The following INPP4B variants were observed in gnomAD, a reference collection of about 807,000 sequenced individuals.
The protein encoded by INPP4B is inositol polyphosphate-4-phosphatase type II B.
INPP4B carries 55 observed loss-of-function variants against 122.5 expected under a neutral mutation model. That is an observed-to-expected ratio of 0.45 (90% CI 0.36 to 0.56). INPP4B has a LOEUF of 0.56. Among genes scored for constraint, INPP4B ranks in the 20% least tolerant of loss-of-function variants. The pLI is 0.00. For missense variants in INPP4B, 1,000 were observed against 1,097.7 expected, an observed-to-expected ratio of 0.91 and a Z score of 1.26; for synonymous variants, 403 against 388.7, an observed-to-expected ratio of 1.04 and a Z score of -0.43.
At chr4:142,285,486 T>C (rs1471073896) in intron 9 of INPP4B, among the ~76,000 whole-genome samples, 1 of 151,630 alleles carries the variant, frequency 6.6e-6, no homozygotes, top group South Asian at 2.1e-4. Context: ...GACCTAAGGA[T>C]TGAGGCTCAT....
chr4:142,672,511 G>T (rs750742669), intron 2 of INPP4B, among the ~76,000 whole-genome samples: 1 of 151,928 alleles, frequency 6.6e-6, no homozygotes, highest in Admixed American at 6.6e-5. Flanking sequence ...AATGACTAAT[G>T]ATGTTGAGCA....
chr4:142,434,102 G>A lies in INPP4B; in HGVS notation c.-126-2717C>T, dbSNP rs561468967. On this transcript the variant is annotated intron_variant, in intron 3 of 25. Transcript: ENST00000262992. ...CACAATCATCTATAGAGACCGAGAC[G>A]TGATATTTTTTAGTCCAGTGTAAAA... is the stretch of plus-strand genomic sequence containing the variant. Among the ~76,000 whole-genome samples the A allele has an allele frequency of 8.5e-5, 13 of 152,186 alleles. 1 individual carries two copies. The East Asian group carries it at 1.5e-3, about 18-fold the overall frequency.
intron 9 of INPP4B, among the ~76,000 whole-genome samples, chr4:142,301,526 G>T (rs1315742540): frequency 6.6e-6 from 1 of 152,124 alleles, no homozygotes; most frequent in Non-Finnish European, 1.5e-5. Context: ...TAGACAAGTT[G>T]CTATAAGACA....
At chr4:142,044,629 G>C (rs944198337) in intron 25 of INPP4B, among the ~76,000 whole-genome samples, 4 of 151,994 alleles carry the variant, frequency 2.6e-5, no homozygotes, top group Non-Finnish European at 5.9e-5. Flanking sequence ...AAAACACACA[G>C]AACCTCACCC....
chr4:142,749,145 A>G (rs940090430), intron 1 of INPP4B, among the ~76,000 whole-genome samples: 2 of 147,664 alleles, frequency 1.4e-5, no homozygotes, highest in Non-Finnish European at 1.5e-5. Flanking sequence ...TCTCAAATAT[A>G]TATATATATA....
intron 2 of INPP4B, among the ~76,000 whole-genome samples, chr4:142,615,153 G>A (rs1743427294): frequency 6.6e-6 from 1 of 152,090 alleles, no homozygotes; most frequent in South Asian, 2.1e-4. Flanking sequence ...TAAAAGGTTA[G>A]TTCTGAGTCA....
At chr4:142,270,881 A>G in intron 9 of INPP4B, 107 bp from the exon 10 acceptor site, 1 of 723,672 alleles carries the variant, frequency 1.4e-6, no homozygotes, top group Non-Finnish European at 2.5e-6. Context: ...TATTTACTTA[A>G]TAAGACAACA....
chr4:142,538,177 G>T (rs1828513519), intron 2 of INPP4B, among the ~76,000 whole-genome samples: 1 of 152,134 alleles, frequency 6.6e-6, no homozygotes. Context: ...TCATGTAAGT[G>T]GTTTCCCATA....
chr4:142,707,911 C>T (rs183191659), intron 2 of INPP4B, among the ~76,000 whole-genome samples: 1 of 152,246 alleles, frequency 6.6e-6, no homozygotes, highest in East Asian at 1.9e-4. Flanking sequence ...TTGGAACTCC[C>T]TAGAGACTTG....
At chr4:142,682,272 T>C (rs572100642) in intron 2 of INPP4B, among the ~76,000 whole-genome samples, 5 of 151,950 alleles carry the variant, frequency 3.3e-5, no homozygotes, top group African/African-American at 1.2e-4. Context: ...TCTCCCTCTC[T>C]CTCCCTCTCT....
intron 1 of INPP4B, among the ~76,000 whole-genome samples, chr4:142,733,732 T>C (rs1766421699): frequency 6.6e-6 from 1 of 152,218 alleles, no homozygotes; most frequent in East Asian, 1.9e-4. Context: ...TCTCCTTTGA[T>C]AGTGTCTCAC....
At chr4:142,640,844 T>A (rs116308903) in intron 2 of INPP4B, among the ~76,000 whole-genome samples, 2 of 152,014 alleles carry the variant, frequency 1.3e-5, no homozygotes, top group African/African-American at 4.8e-5. Flanking sequence ...TTAATAATCA[T>A]GGAAATGCTA....
chr4:142,364,689 C>T (rs1020904793), intron 7 of INPP4B, among the ~76,000 whole-genome samples: 14 of 151,978 alleles, frequency 9.2e-5, no homozygotes, highest in Non-Finnish European at 2.9e-5. Context: ...ACTCACCAGG[C>T]GAGGAGCCTC....
chr4:142,263,031 C>T (rs1740831773), intron 10 of INPP4B, among the ~76,000 whole-genome samples: 1 of 152,170 alleles, frequency 6.6e-6, no homozygotes, highest in South Asian at 2.1e-4. Flanking sequence ...CCTTTGGTCA[C>T]TTGTGCTACG....
chr4:142,100,524 G>A (rs1259921913), intron 23 of INPP4B, among the ~76,000 whole-genome samples: 1 of 152,116 alleles, frequency 6.6e-6, no homozygotes, highest in Non-Finnish European at 1.5e-5. Flanking sequence ...TGCTTAATTT[G>A]TAAATTCTTA....
chr4:142,042,168 C>T (rs1009476908), intron 25 of INPP4B, among the ~76,000 whole-genome samples: 1 of 152,134 alleles, frequency 6.6e-6, no homozygotes, highest in African/African-American at 2.4e-5. Context: ...CCATGCTTGC[C>T]CCTCTATTAA....
At chr4:142,618,768 ACAAT>A (rs1300394516) in intron 2 of INPP4B, among the ~76,000 whole-genome samples, 1 of 152,034 alleles carries the variant, frequency 6.6e-6, no homozygotes, top group African/African-American at 2.4e-5. Context: ...TGCAGAGTAA[ACAAT>A]CAACAAAATG....
chr4:142,618,178 A>G (rs749369045), intron 2 of INPP4B, among the ~76,000 whole-genome samples: 18 of 152,090 alleles, frequency 1.2e-4, no homozygotes, highest in Non-Finnish European at 2.2e-4. Flanking sequence ...TACAGATTCA[A>G]TGCAATACCT....
chr4:142,188,518 A>AAAATATATATATATATAT (rs1834267141), intron 15 of INPP4B, among the ~76,000 whole-genome samples: 6 of 105,088 alleles, frequency 5.7e-5, no homozygotes, highest in East Asian at 3.0e-4. Flanking sequence ...AAAGAAAAAA[A>AAAATATATATATATATAT]ATATATATAG....
Sources: allele counts gnomAD v4.1 joint callset (sites outside exome capture counted in the v4.1 genomes callset), GRCh38; gene constraint gnomAD v4.1.1; transcripts MANE v1.5; gene names NCBI Gene and HGNC (gene_info 2026-07-23, HGNC 2026-07-21).